The following CRACD variants were observed in gnomAD, a reference collection of about 807,000 sequenced individuals.
CRACD encodes the protein capping protein inhibiting regulator of actin dynamics.
CRACD carries 56 observed loss-of-function variants against 106.8 expected under a neutral mutation model. The observed-to-expected ratio is 0.52, with a 90% CI of 0.42 to 0.66. The LOEUF (loss-of-function observed/expected upper bound fraction) is 0.66. CRACD is among the 30% of genes least tolerant of loss of function. The pLI is 0.00. For missense variants in CRACD, 1,730 were observed against 1,623.2 expected (o/e 1.07, Z -1.13); for synonymous variants, 754 against 670.8 (o/e 1.12, Z -1.92).
At chr4:56,243,942 C>A (rs1404303265) in intron 2 of CRACD, among the ~76,000 whole-genome samples, 3 of 152,118 alleles carry the variant, frequency 2.0e-5, no homozygotes, top group South Asian at 2.1e-4. Flanking sequence ...CCCTTCCTGG[C>A]CTCTGGAACC....
intron 2 of CRACD, among the ~76,000 whole-genome samples, chr4:56,229,053 G>A (rs1057413769): frequency 2.0e-5 from 3 of 152,182 alleles, no homozygotes; most frequent in Non-Finnish European, 4.4e-5. Context: ...GTAAGAAATT[G>A]CAATGATATT....
chr4:56,289,653 A>G (rs1469466326), intron 3 of CRACD, among the ~76,000 whole-genome samples: 5 of 151,730 alleles, frequency 3.3e-5, no homozygotes, highest in African/African-American at 9.7e-5. Context: ...TGCCTGGGCA[A>G]CAGAATGCCT....
At chr4:56,233,793 T>G (rs1457274152) in intron 2 of CRACD, among the ~76,000 whole-genome samples, 1 of 152,218 alleles carries the variant, frequency 6.6e-6, no homozygotes, top group African/African-American at 2.4e-5. Flanking sequence ...TTGGGTAGCA[T>G]TAATAACAAT....
intron 2 of CRACD, among the ~76,000 whole-genome samples, chr4:56,241,997 A>C (rs1740392568): frequency 6.6e-6 from 1 of 152,204 alleles, no homozygotes; most frequent in African/African-American, 2.4e-5. Flanking sequence ...AGATTGTTAA[A>C]AATTTTTTAT....
intron 1 of CRACD, among the ~76,000 whole-genome samples, chr4:56,130,490 A>G (rs538194004): frequency 8.5e-5 from 13 of 152,174 alleles, no homozygotes; most frequent in African/African-American, 2.6e-4. Flanking sequence ...ATTACCCTAA[A>G]TCTTTTAAGA....
chr4:56,209,294 G>A (rs1300177884), intron 2 of CRACD, among the ~76,000 whole-genome samples: 1 of 151,950 alleles, frequency 6.6e-6, no homozygotes, highest in Non-Finnish European at 1.5e-5. Flanking sequence ...AGTAACTTAA[G>A]TAACCTTTAA....
chr4:56,127,043 T>A (rs147569985), intron 1 of CRACD, among the ~76,000 whole-genome samples: 1 of 152,298 alleles, frequency 6.6e-6, no homozygotes, highest in Non-Finnish European at 1.5e-5. Flanking sequence ...TTTTGGGAGA[T>A]GTTTATGGAA....
At chr4:56,249,179 A>G (rs1359724061) in intron 2 of CRACD, among the ~76,000 whole-genome samples, 1 of 149,972 alleles carries the variant, frequency 6.7e-6, no homozygotes, top group Non-Finnish European at 1.5e-5. Flanking sequence ...GAACTAGTTT[A>G]CAGTCCCACC....
chr4:56,229,000 G>C (rs1739468009), intron 2 of CRACD, among the ~76,000 whole-genome samples: 1 of 152,164 alleles, frequency 6.6e-6, no homozygotes, highest in Non-Finnish European at 1.5e-5. Context: ...GAAAATAGTT[G>C]TGAAAAATGT....
In CRACD at chr4:56,142,500, TC is replaced by T. The variant is rs369990465; in HGVS notation, c.-335-36782del. Among the ~76,000 whole-genome samples the T allele has an allele frequency of 8.1e-3, 1,238 of 152,322 alleles. 28 individuals carry two copies. Among genetic ancestry groups the T allele is most frequent in the African/African-American group, 0.028 (1,145 of 41,580 alleles). ...TTATGATTTATCTTTTCAAGATTTATCCTTTTTTCTTTTTACTTTTATGCTA... is the reference window on the plus strand; with the variant it reads ...TTATGATTTATCTTTTCAAGATTTATCTTTTTTCTTTTTACTTTTATGCTA... On this transcript the variant is annotated intron_variant, in intron 1 of 10. Coordinates refer to ENST00000682029, the MANE Select transcript of CRACD (RefSeq NM_001393381.1).
rs34984806 is a variant in CRACD, at chr4:56,330,190, CTT to C, written c.*2399_*2400del. ...GAATGATCACTATGTTAAATGCAAA[CTT>C]TTTTTTTTTTTTATTTAAACAAACA... On this transcript the variant is annotated 3_prime_UTR_variant, in exon 11 of 11. Coordinates refer to ENST00000682029, the MANE Select transcript of CRACD (RefSeq NM_001393381.1). Among the ~76,000 whole-genome samples the C allele has an allele frequency of 0.044, 6,491 of 147,724 alleles. 398 individuals are homozygous for C. The highest frequency in any genetic ancestry group is 0.15 in the African/African-American group (5,943 of 40,426).
At chr4:56,080,493 A>G (rs1732986007) in intron 1 of CRACD, among the ~76,000 whole-genome samples, 1 of 152,222 alleles carries the variant, frequency 6.6e-6, no homozygotes, top group South Asian at 2.1e-4. Flanking sequence ...GTCTGCCAGG[A>G]AGTACTACAT....
intron 2 of CRACD, among the ~76,000 whole-genome samples, chr4:56,252,147 C>G (rs1042546008): frequency 3.3e-5 from 5 of 152,186 alleles, no homozygotes; most frequent in African/African-American, 4.8e-5. Flanking sequence ...CTATCACCCA[C>G]TATTTGAAGA....
At chr4:56,140,154 C>G (rs939714955) in intron 1 of CRACD, among the ~76,000 whole-genome samples, 3 of 152,198 alleles carry the variant, frequency 2.0e-5, no homozygotes, top group African/African-American at 7.2e-5. Context: ...TGCCTCAGCT[C>G]CCTTCCCCTT....
intron 3 of CRACD, 140 bp from the exon 4 acceptor site, chr4:56,298,073 AG>A (rs780252842): frequency 1.1e-4 from 93 of 876,312 alleles, no homozygotes; most frequent in Non-Finnish European, 1.4e-4. Flanking sequence ...GACCCCCAGC[AG>A]ACAGGGACAC....
intron 1 of CRACD, among the ~76,000 whole-genome samples, chr4:56,109,792 G>GA (rs544833534): frequency 4.0e-5 from 6 of 148,462 alleles, no homozygotes; most frequent in South Asian, 4.3e-4. Flanking sequence ...ACCAAGTAGA[G>GA]AAAAAAAAAG....
Position 56,314,152 on chromosome 4 carries a change from C to T in CRACD, c.650C>T (p.Ser217Phe). The T allele has an allele frequency of 6.2e-7, 1 of 1,614,044 alleles. No homozygotes were observed. The highest frequency in any genetic ancestry group is 8.5e-7 in the Non-Finnish European group (1 of 1,179,984). The change falls in exon 8 of 11, where the codon TCC becomes TTC. Residue 217 changes from serine to phenylalanine, a missense_variant. By Grantham distance (155) the Ser-to-Phe change is radical. This residue lies in a region of CRACD where 1,620 missense variants were observed against 1,481.6 expected (regional missense o/e 1.09). Transcript: ENST00000682029. This position sits in a 1 kb window ranked among gnomAD's most constrained non-coding sequence, Gnocchi z 4.4. ...WHEEEPNPLD[S>F]EEERRRQEDY... is the part of the protein sequence containing the mutation. Reference sequence around the variant, plus strand: ...GAAGAGGAACCCAATCCGCTGGATTCCGAGGAAGAGAGAAGACGCCAAGAA... The same window carrying T: ...GAAGAGGAACCCAATCCGCTGGATTTCGAGGAAGAGAGAAGACGCCAAGAA...
chr4:56,283,445 G>C (rs1174442679), intron 3 of CRACD, among the ~76,000 whole-genome samples: 1 of 152,206 alleles, frequency 6.6e-6, no homozygotes, highest in African/African-American at 2.4e-5. Context: ...TTACCTTGCT[G>C]TGTGTAGCTC....
At chr4:56,235,085 C>G (rs1739886664) in intron 2 of CRACD, among the ~76,000 whole-genome samples, 3 of 152,152 alleles carry the variant, frequency 2.0e-5, no homozygotes, top group Admixed American at 2.0e-4. Context: ...TGTCTACAAA[C>G]TATGGATTTT....
Sources: allele counts gnomAD v4.1 joint callset (sites outside exome capture counted in the v4.1 genomes callset), GRCh38; gene constraint gnomAD v4.1.1; regional missense constraint gnomAD v4.1.1; non-coding constraint Gnocchi (gnomAD v3.1); transcripts MANE v1.5; gene names NCBI Gene and HGNC (gene_info 2026-07-23, HGNC 2026-07-21).